The following PARD3B variants were observed in gnomAD, a reference collection of about 807,000 sequenced individuals.
The protein encoded by PARD3B is partitioning defective 3 homolog B.
Under a neutral mutation model 130.2 loss-of-function variants are expected in PARD3B, and 103 were observed. That is an observed-to-expected ratio of 0.79 (90% CI 0.67 to 0.93). The LOEUF is 0.93. Ranked by LOEUF, PARD3B falls within the 40% of genes least tolerant of loss-of-function variation. The pLI, the probability that PARD3B is intolerant of heterozygous loss-of-function variation, is 0.00. For missense variants in PARD3B, 1,609 were observed against 1,499.2 expected, an observed-to-expected ratio of 1.07 and a Z score of -1.21; for synonymous variants, 583 against 553.2, an observed-to-expected ratio of 1.05 and a Z score of -0.76.
intron 4 of PARD3B, among the ~76,000 whole-genome samples, chr2:205,099,027 A>G (rs78254429): frequency 0.017 from 2,550 of 152,280 alleles, 28 homozygotes; most frequent in Non-Finnish European, 0.027. Context: ...TGCTCTGATG[A>G]AAGTGGTAAA....
intron 21 of PARD3B, among the ~76,000 whole-genome samples, chr2:205,502,348 A>C (rs1372159273): frequency 6.6e-6 from 1 of 152,154 alleles, no homozygotes; most frequent in Non-Finnish European, 1.5e-5. Context: ...TCACCAGGGC[A>C]CTAGCTAAAA....
intron 3 of PARD3B, among the ~76,000 whole-genome samples, chr2:204,971,948 G>T (rs1355288872): frequency 6.7e-6 from 1 of 149,692 alleles, no homozygotes; most frequent in African/African-American, 2.5e-5. Context: ...GAGCCACCAC[G>T]CCTTGGCTGT....
chr2:205,380,938 A>ATATATAATATATAAATAATG lies in PARD3B; in HGVS notation c.2631-20061_2631-20060insATAATGTATATAATATATAA, dbSNP rs1258554126. Among the ~76,000 whole-genome samples the ATATATAATATATAAATAATG allele has an allele frequency of 6.3e-4, 57 of 90,740 alleles. 1 individual carries two copies. In the South Asian group the frequency reaches 7.5e-3, roughly 12 times the overall value. 59.5% of individuals were successfully genotyped at this position (90,740 alleles called of 152,430 possible). A position where few individuals can be genotyped will look rare whatever the true frequency, so the allele number is the denominator to read the frequency against. On this transcript the variant is annotated intron_variant, in intron 18 of 22. Transcript: ENST00000406610. ...AGAATATATATAATATATAAAGAAT[A>ATATATAATATATAAATAATG]TATATAATATATAATGTATATAATA...
At chr2:204,751,356 T>C (rs897183091) in intron 2 of PARD3B, among the ~76,000 whole-genome samples, 1 of 152,136 alleles carries the variant, frequency 6.6e-6, no homozygotes, top group African/African-American at 2.4e-5. Context: ...CCTTTAGAAA[T>C]TTATAAAACT....
intron 2 of PARD3B, among the ~76,000 whole-genome samples, chr2:204,877,437 G>A (rs1054763556): frequency 2.0e-5 from 3 of 152,092 alleles, no homozygotes; most frequent in African/African-American, 7.2e-5. Flanking sequence ...TCAGTGAGAT[G>A]GAAACTCACA....
At chr2:204,925,569 G>A (rs1442272816) in intron 2 of PARD3B, among the ~76,000 whole-genome samples, 2 of 94,792 alleles carry the variant, frequency 2.1e-5, no homozygotes, top group East Asian at 1.9e-4. Flanking sequence ...CAGGAATTAC[G>A]GCAAGATGAG....
chr2:205,457,677 G>A (rs1371243227), intron 20 of PARD3B, among the ~76,000 whole-genome samples: 3 of 151,570 alleles, frequency 2.0e-5, no homozygotes, highest in Non-Finnish European at 2.9e-5. Context: ...TTTTCTCTAG[G>A]TATGTAATTG....
chr2:205,121,311 A>G lies in PARD3B; in HGVS notation c.807-280A>G, dbSNP rs1264229059. Among the ~76,000 whole-genome samples, 1 of 152,234 alleles carries G rather than the reference A, an allele frequency of 6.6e-6. No homozygotes were observed. The highest frequency in any genetic ancestry group is 2.4e-5 in the African/African-American group (1 of 41,462). On this transcript the variant is annotated intron_variant, in intron 7 of 22. Transcript: ENST00000406610. This position sits in a 1 kb window ranked among gnomAD's most constrained non-coding sequence, Gnocchi z 5.0. ...TTCATCTCTCTGAGCCTCAACTTCC[A>G]TGTCCGTGAAATGAAAGCTATTTAT...
intron 2 of PARD3B, among the ~76,000 whole-genome samples, chr2:204,826,152 C>T (rs2043562066): frequency 6.6e-6 from 1 of 152,120 alleles, no homozygotes; most frequent in African/African-American, 2.4e-5. Flanking sequence ...TTATAATAAC[C>T]TTGAAAAGTA....
intron 2 of PARD3B, among the ~76,000 whole-genome samples, chr2:204,924,250 A>G (rs969675182): frequency 6.6e-6 from 1 of 152,016 alleles, no homozygotes; most frequent in Non-Finnish European, 1.5e-5. Context: ...GAACTAAAAC[A>G]TCATGGCTTT....
At chr2:204,591,470 A>T (rs1033183766) in intron 1 of PARD3B, among the ~76,000 whole-genome samples, 1 of 152,232 alleles carries the variant, frequency 6.6e-6, no homozygotes, top group Non-Finnish European at 1.5e-5. Flanking sequence ...CTGTCATTCA[A>T]ATATGAATGC....
At chr2:204,625,754 C>G (rs2034465299) in intron 1 of PARD3B, among the ~76,000 whole-genome samples, 1 of 152,034 alleles carries the variant, frequency 6.6e-6, no homozygotes, top group Non-Finnish European at 1.5e-5. Context: ...AGATTTTTAG[C>G]TTTTTAAAAT....
At chr2:205,312,550 A>G (rs1199607564) in intron 18 of PARD3B, among the ~76,000 whole-genome samples, 1 of 152,198 alleles carries the variant, frequency 6.6e-6, no homozygotes, top group African/African-American at 2.4e-5. Context: ...GCAGCCATCC[A>G]TTGTTCTCCA....
intron 3 of PARD3B, among the ~76,000 whole-genome samples, chr2:204,974,962 A>G (rs1228791781): frequency 6.6e-6 from 1 of 152,216 alleles, no homozygotes; most frequent in African/African-American, 2.4e-5. Flanking sequence ...GTAGCTTGCA[A>G]TCAAGTTGAC....
At chr2:205,527,059 G>A (rs2051370095) in intron 21 of PARD3B, among the ~76,000 whole-genome samples, 1 of 152,158 alleles carries the variant, frequency 6.6e-6, no homozygotes, top group South Asian at 2.1e-4. Flanking sequence ...TAGCACAAGT[G>A]TAGAAGCATC....
intron 16 of PARD3B, among the ~76,000 whole-genome samples, chr2:205,260,679 A>T (rs1367302569): frequency 5.3e-5 from 8 of 152,132 alleles, no homozygotes; most frequent in Admixed American, 1.3e-4. Flanking sequence ...GGAGAAAATA[A>T]ACTTGATTTA....
chr2:205,261,067 A>C (rs2040287851), intron 16 of PARD3B, among the ~76,000 whole-genome samples: 2 of 152,092 alleles, frequency 1.3e-5, no homozygotes, highest in Non-Finnish European at 2.9e-5. Context: ...TGTTTGTTGA[A>C]GGGCTTTCCT....
intron 22 of PARD3B, among the ~76,000 whole-genome samples, chr2:205,574,242 C>T (rs190075771): frequency 3.3e-5 from 5 of 152,204 alleles, no homozygotes; most frequent in African/African-American, 4.8e-5. Flanking sequence ...TTAAAAGAGT[C>T]GAAAGTTTGT....
intron 2 of PARD3B, among the ~76,000 whole-genome samples, chr2:204,964,459 A>T (rs564305083): frequency 7.9e-5 from 12 of 152,344 alleles, no homozygotes; most frequent in African/African-American, 2.6e-4. Flanking sequence ...CTCACGTAAA[A>T]TAAGATTGAC....
Sources: gnomAD v4.1 joint callset for allele counts (sites outside exome capture counted in the v4.1 genomes callset) on GRCh38, gnomAD v4.1.1 for gene constraint, Gnocchi (gnomAD v3.1) non-coding constraint, MANE v1.5 for transcripts, NCBI Gene and HGNC (gene_info 2026-07-23, HGNC 2026-07-21) for gene names.